The following TMEM233 variants were observed in gnomAD, a reference collection of about 807,000 sequenced individuals.
TMEM233 encodes dispanin subfamily B member 2.
TMEM233 carries 6 observed loss-of-function variants against 11.2 expected under a neutral mutation model. The observed-to-expected ratio is 0.54, with a 90% CI of 0.29 to 1.06. The LOEUF (loss-of-function observed/expected upper bound fraction) is 1.06. Ranked by LOEUF, TMEM233 falls within the 50% of genes least tolerant of loss-of-function variation. TMEM233 has a pLI of 0.08. For synonymous variants in TMEM233, 59 were observed against 55.8 expected, an observed-to-expected ratio of 1.06 and a Z score of -0.26; for missense variants, 127 against 144.7, an observed-to-expected ratio of 0.88 and a Z score of 0.63.
At chr12:119,599,630 T>C (rs1390373696) in intron 1 of TMEM233, among the ~76,000 whole-genome samples, 1 of 152,118 alleles carries the variant, frequency 6.6e-6, no homozygotes. Context: ...AGAAAGTCAA[T>C]TTTCTCTGCA....
At chr12:119,629,535 G>A (rs1281431797) in intron 1 of TMEM233, among the ~76,000 whole-genome samples, 1 of 152,194 alleles carries the variant, frequency 6.6e-6, no homozygotes, top group Non-Finnish European at 1.5e-5. Flanking sequence ...AATACAGAGG[G>A]GGCAGTTAAC....
chr12:119,623,322 T>C (rs1954683442), intron 1 of TMEM233, among the ~76,000 whole-genome samples: 1 of 152,206 alleles, frequency 6.6e-6, no homozygotes, highest in African/African-American at 2.4e-5. Context: ...AGAACTGTGT[T>C]TTCCAAGGCA....
At chr12:119,619,260 A>C (rs1954596802) in intron 1 of TMEM233, among the ~76,000 whole-genome samples, 1 of 152,132 alleles carries the variant, frequency 6.6e-6, no homozygotes, top group African/African-American at 2.4e-5. Flanking sequence ...TTCCTTTATA[A>C]ATTGCCCAGT....
At position 119,594,135 on chromosome 12, in the gene TMEM233, G is replaced by A. The variant is rs1226480531; in HGVS notation, c.186+101G>A. Reference sequence around the variant, plus strand: ...CGCTCTCTGCGGCTCCCTTCCTCACGGCCCGGCCCGCGCTAGGTGTTCTTT... The same window carrying A: ...CGCTCTCTGCGGCTCCCTTCCTCACAGCCCGGCCCGCGCTAGGTGTTCTTT... On this transcript the variant is annotated intron_variant, in intron 1 of 2. Coordinates refer to ENST00000426426, the MANE Select transcript of TMEM233 (RefSeq NM_001136534.3). The surrounding 1 kb of genome is among the most constrained non-coding windows in gnomAD (Gnocchi z 5.6). 9 of 1,206,606 alleles carry A rather than the reference G, an allele frequency of 7.5e-6. No homozygotes were observed. Among genetic ancestry groups the A allele is most frequent in the Admixed American group, 4.7e-5 (2 of 42,206 alleles). The allele number at this position is 1,206,606 out of a possible 1,614,324, so 74.7% of individuals were successfully genotyped here. A position where few individuals can be genotyped will look rare whatever the true frequency, so the allele number is the denominator to read the frequency against.
chr12:119,623,771 G>A (rs1029033027), intron 1 of TMEM233, among the ~76,000 whole-genome samples: 1 of 152,164 alleles, frequency 6.6e-6, no homozygotes, highest in Admixed American at 6.5e-5. Context: ...TATGTGCGGA[G>A]CCAATACCAA....
downstream of TMEM233, among the ~76,000 whole-genome samples, chr12:119,646,774 G>GA (rs1304907757): frequency 6.6e-6 from 1 of 152,176 alleles, no homozygotes; most frequent in African/African-American, 2.4e-5. Context: ...GGATGATCCA[G>GA]AAAAATCTCC....
chr12:119,624,872 C>CA (rs1341903367), intron 1 of TMEM233, among the ~76,000 whole-genome samples: 2 of 152,084 alleles, frequency 1.3e-5, no homozygotes, highest in South Asian at 2.1e-4. Context: ...AAATCACACA[C>CA]AAAAAACATG....
rs1042003740 is a variant in TMEM233 at position 119,594,384 on chromosome 12, C to A, written c.186+350C>A. On this transcript the variant is annotated intron_variant, in intron 1 of 2. Transcript: ENST00000426426. The surrounding 1 kb of genome is among the most constrained non-coding windows in gnomAD (Gnocchi z 5.6). ...GACCTTCCTAGGCACTTGCCCGGGG[C>A]TTCTCAACCCTCTTTTCTAGAGCCC... The A allele has an allele frequency of 4.3e-6, 1 of 232,836 alleles. No individual in the cohort carries two copies. Among genetic ancestry groups the A allele is most frequent in the Non-Finnish European group, 8.4e-6 (1 of 119,302 alleles). The allele number at this position is 232,836 out of a possible 1,614,324, so 14.4% of individuals were successfully genotyped here.
At position 119,637,572 on chromosome 12, in the gene TMEM233, C is replaced by G. The variant is rs541120145; in HGVS notation, c.324-3127C>G. Among the ~76,000 whole-genome samples the G allele has an allele frequency of 4.6e-5, 7 of 152,296 alleles. No homozygotes were observed. In the South Asian group the frequency reaches 1.4e-3, roughly 32 times the overall value. On this transcript the variant is annotated intron_variant, in intron 2 of 2. Transcript: ENST00000426426. ...AAAAGCTTAAAAGCAAATCCCTCTT[C>G]TTTTCTATATTTTTGGCTGGGGAAA...
At chr12:119,640,568 G>A in intron 2 of TMEM233, 131 bp from the exon 3 acceptor site, 1 of 977,020 alleles carries the variant, frequency 1.0e-6, no homozygotes, top group Non-Finnish European at 1.6e-6. Context: ...TGTGCACGCA[G>A]GCTGGTACAT....
intron 1 of TMEM233, among the ~76,000 whole-genome samples, chr12:119,601,674 A>T (rs1954170110): frequency 2.0e-5 from 3 of 152,010 alleles, no homozygotes; most frequent in South Asian, 2.1e-4. Flanking sequence ...AAAAAAAAAA[A>T]AAATAGTGAA....
chr12:119,623,553 C>CA (rs57936432), intron 1 of TMEM233, among the ~76,000 whole-genome samples: 23,224 of 135,504 alleles, frequency 0.17, 2,027 homozygotes, highest in East Asian at 0.34. Context: ...ACCAAAAATA[C>CA]AAAAAAAAAA....
intron 1 of TMEM233, among the ~76,000 whole-genome samples, chr12:119,601,210 C>T (rs953075615): frequency 3.3e-5 from 5 of 152,084 alleles, no homozygotes; most frequent in Non-Finnish European, 7.4e-5. Context: ...GTGAATGAAG[C>T]AAGACATACC....
chr12:119,634,994 A>T (rs1296473613), intron 2 of TMEM233, among the ~76,000 whole-genome samples: 1 of 152,228 alleles, frequency 6.6e-6, no homozygotes, highest in Non-Finnish European at 1.5e-5. Context: ...ACAGCAGGGA[A>T]TTGTTCTTGT....
chr12:119,607,728 C>T (rs1459889215), intron 1 of TMEM233, among the ~76,000 whole-genome samples: 1 of 151,722 alleles, frequency 6.6e-6, no homozygotes, highest in African/African-American at 2.4e-5. Context: ...CCTGCCCCAT[C>T]CTCAGGCCCC....
At chr12:119,597,630 G>A (rs774020696) in intron 1 of TMEM233, among the ~76,000 whole-genome samples, 1 of 152,146 alleles carries the variant, frequency 6.6e-6, no homozygotes, top group Non-Finnish European at 1.5e-5. Context: ...TTCGAGTGGT[G>A]GATTTCTGTG....
At chr12:119,649,854 T>A in the TMEM233 span, among the ~76,000 whole-genome samples, 15 of 91,310 alleles carry the variant, frequency 1.6e-4, no homozygotes, top group East Asian at 3.0e-4. Context: ...GTTTAACTAT[T>A]AAAAAAAAAA....
At chr12:119,637,139 G>C (rs527746693) in intron 2 of TMEM233, among the ~76,000 whole-genome samples, 1 of 152,304 alleles carries the variant, frequency 6.6e-6, no homozygotes, top group African/African-American at 2.4e-5. Flanking sequence ...TATTTAAACA[G>C]TTGCTTTTTT....
intron 1 of TMEM233, among the ~76,000 whole-genome samples, chr12:119,627,051 G>A (rs1327225239): frequency 1.3e-5 from 2 of 152,212 alleles, no homozygotes; most frequent in African/African-American, 4.8e-5. Context: ...TGGGATGGCT[G>A]GGATATTGGG....
Sources: allele counts gnomAD v4.1 joint callset (sites outside exome capture counted in the v4.1 genomes callset), GRCh38; gene constraint gnomAD v4.1.1; non-coding constraint Gnocchi (gnomAD v3.1); transcripts MANE v1.5; gene names NCBI Gene and HGNC (gene_info 2026-07-23, HGNC 2026-07-21).